Variants in SYTL5 observed in about 807,000 individuals in gnomAD.
SYTL5 encodes the protein synaptotagmin like 5.
A neutral mutation model predicts 55.9 loss-of-function variants in SYTL5; 34 were observed. The observed-to-expected ratio is 0.61, with a 90% CI of 0.46 to 0.81. The LOEUF is 0.81. SYTL5 is among the 30% of genes least tolerant of loss of function. The pLI is 0.00. For synonymous variants in SYTL5, 221 were observed against 188.7 expected, an observed-to-expected ratio of 1.17 and a Z score of -1.40; for missense variants, 637 against 546.7, an observed-to-expected ratio of 1.17 and a Z score of -1.65.
chrX:38,034,033 TC>T, intron 2 of SYTL5, 25 bp downstream of exon 2: 1 of 961,843 alleles, frequency 1.0e-6, no homozygotes, highest in Non-Finnish European at 1.4e-6. Context: ...ATTTTTTCAG[TC>T]CTCCTTGACT....
intron 7 of SYTL5, among the ~76,000 whole-genome samples, chrX:38,092,090 A>T (rs1234146401): frequency 8.9e-6 from 1 of 112,444 alleles, no homozygotes; most frequent in Non-Finnish European, 1.9e-5. Flanking sequence ...AGGGAAGTAT[A>T]TAGCATTAGA....
At chrX:37,895,425 C>T in the SYTL5 span, among the ~76,000 whole-genome samples, 2 of 89,058 alleles carry the variant, frequency 2.2e-5, no homozygotes, top group African/African-American at 1.2e-4. Context: ...TCCTTCCTTC[C>T]TTCCTTCCTT....
the SYTL5 span, among the ~76,000 whole-genome samples, chrX:37,952,926 TGA>T: frequency 9.0e-6 from 1 of 110,699 alleles, no homozygotes; most frequent in Non-Finnish European, 1.9e-5. Context: ...ACATTGAGTC[TGA>T]GAGAGAGTGA....
At chrX:38,116,082 A>G (rs944064851) in intron 13 of SYTL5, among the ~76,000 whole-genome samples, 13 of 111,994 alleles carry the variant, frequency 1.2e-4, no homozygotes, top group African/African-American at 3.9e-4. Context: ...TCTCATGCTT[A>G]AGTCTTTAAT....
chrX:37,938,631 C>G, the SYTL5 span, among the ~76,000 whole-genome samples: 1 of 111,240 alleles, frequency 9.0e-6, no homozygotes, highest in East Asian at 2.8e-4. Flanking sequence ...CTCTTTCTCT[C>G]TCTCACCCCT....
At chrX:38,003,183 T>C (rs1414242250), upstream of SYTL5, among the ~76,000 whole-genome samples, 2 of 111,566 alleles carry the variant, frequency 1.8e-5, no homozygotes, top group Admixed American at 9.6e-5. Flanking sequence ...GTTGTAGATA[T>C]GCGGTATTAT....
At chrX:38,038,328 C>G (rs753277066) in intron 2 of SYTL5, among the ~76,000 whole-genome samples, 3 of 111,677 alleles carry the variant, frequency 2.7e-5, no homozygotes, top group Non-Finnish European at 3.8e-5. Flanking sequence ...TCTGTACCCC[C>G]GCTTCTGTTG....
At chrX:37,914,445 AC>A in the SYTL5 span, among the ~76,000 whole-genome samples, 43 of 111,957 alleles carry the variant, frequency 3.8e-4, no homozygotes, top group African/African-American at 1.3e-3. Context: ...TAACAAAATC[AC>A]CAAAAACTTC....
chrX:38,045,986 C>T (rs1368492341), intron 2 of SYTL5, among the ~76,000 whole-genome samples: 2 of 111,603 alleles, frequency 1.8e-5, no homozygotes, highest in Non-Finnish European at 3.8e-5. Flanking sequence ...TGGCTTTGCA[C>T]AGCTAGGAAA....
intron 1 of SYTL5, chrX:38,023,809 C>G (rs1307846413): frequency 1.8e-5 from 2 of 110,522 alleles, no homozygotes; most frequent in Non-Finnish European, 3.8e-5. Context: ...TTAAGGCTTT[C>G]TCTTAGCCAG....
At chrX:37,929,489 GT>G in the SYTL5 span, among the ~76,000 whole-genome samples, 3 of 112,184 alleles carry the variant, frequency 2.7e-5, no homozygotes, top group Admixed American at 2.8e-4. Context: ...ATAGCCTACT[GT>G]TTATTTTGCT....
At chrX:37,945,194 G>A in the SYTL5 span, among the ~76,000 whole-genome samples, 7 of 111,977 alleles carry the variant, frequency 6.3e-5, no homozygotes, top group Non-Finnish European at 1.1e-4. Context: ...AGCTTTCATG[G>A]AGCAAGTTTG....
At chrX:37,990,994 C>G in the SYTL5 span, 1 of 1,211,919 alleles carries the variant, frequency 8.3e-7, no homozygotes, top group Non-Finnish European at 1.1e-6. Context: ...ACAATAAATA[C>G]CCTCCTTACC....
the SYTL5 span, among the ~76,000 whole-genome samples, chrX:37,968,561 A>G: frequency 1.0e-3 from 113 of 111,771 alleles, no homozygotes; most frequent in African/African-American, 3.5e-3. Context: ...CATGATCCAG[A>G]TAATAGACAT....
At chrX:37,931,782 C>T in the SYTL5 span, among the ~76,000 whole-genome samples, 2 of 111,427 alleles carry the variant, frequency 1.8e-5, no homozygotes, top group Non-Finnish European at 3.8e-5. Context: ...TAATTCAAAT[C>T]CTGTAAATTA....
At chrX:38,088,564 A>T (rs1936715318) in intron 6 of SYTL5, among the ~76,000 whole-genome samples, 1 of 112,174 alleles carries the variant, frequency 8.9e-6, no homozygotes, top group South Asian at 3.7e-4. Flanking sequence ...AATTGTGAAC[A>T]CCTCAAGGGC....
chrX:37,932,440 G>A, the SYTL5 span, among the ~76,000 whole-genome samples: 124 of 112,015 alleles, frequency 1.1e-3, no homozygotes, highest in Non-Finnish European at 2.1e-3. Context: ...GAGTTGAGGA[G>A]AGAGAATAAA....
At chrX:37,978,409 C>A in the SYTL5 span, among the ~76,000 whole-genome samples, 1 of 111,753 alleles carries the variant, frequency 8.9e-6, no homozygotes. Flanking sequence ...GTGATTGAAA[C>A]GGCTTAGAGC....
At chrX:37,994,764 A>AG in the SYTL5 span, 5 of 109,617 alleles carry the variant, frequency 4.6e-5, no homozygotes, top group Non-Finnish European at 7.6e-5. Flanking sequence ...GAGGAGGAGG[A>AG]GAAGAAGGAG....
Sources: gnomAD v4.1 joint callset for allele counts (sites outside exome capture counted in the v4.1 genomes callset) on GRCh38, gnomAD v4.1.1 for gene constraint, MANE v1.5 for transcripts, NCBI Gene and HGNC (gene_info 2026-07-23, HGNC 2026-07-21) for gene names.